SPIRE1: variants seen among roughly 807,000 people sequenced by gnomAD.
SPIRE1 encodes protein spire homolog 1.
Under a neutral mutation model 94.1 loss-of-function variants are expected in SPIRE1, and 40 were observed. That is an observed-to-expected ratio of 0.43 (90% CI 0.33 to 0.55). The LOEUF is 0.55. Among genes scored for constraint, SPIRE1 ranks in the 20% least tolerant of loss-of-function variants. The pLI, the probability that SPIRE1 is intolerant of heterozygous loss-of-function variation, is 0.06. For missense variants in SPIRE1, 838 were observed against 975.2 expected (o/e 0.86, Z 1.87); for synonymous variants, 376 against 371.7 (o/e 1.01, Z -0.13).
intron 10 of SPIRE1, among the ~76,000 whole-genome samples, chr18:12,474,647 C>T (rs2032489651): frequency 6.6e-6 from 1 of 152,096 alleles, no homozygotes; most frequent in Admixed American, 6.6e-5. Context: ...CATGGTGAAA[C>T]CCTATCTCTA....
At chr18:12,628,993 T>C (rs946007443) in intron 2 of SPIRE1, among the ~76,000 whole-genome samples, 2 of 152,230 alleles carry the variant, frequency 1.3e-5, no homozygotes, top group Non-Finnish European at 2.9e-5. Flanking sequence ...ATAGTTTCCC[T>C]CACTAAAGCT....
chr18:12,494,463 A>G (rs1460702867), intron 7 of SPIRE1, among the ~76,000 whole-genome samples: 3 of 152,002 alleles, frequency 2.0e-5, no homozygotes, highest in African/African-American at 4.8e-5. Context: ...TGGGAGACAC[A>G]GTGAGACTGT....
intron 10 of SPIRE1, among the ~76,000 whole-genome samples, chr18:12,475,324 A>G (rs1276645363): frequency 6.6e-6 from 1 of 152,226 alleles, no homozygotes; most frequent in Non-Finnish European, 1.5e-5. Context: ...TGTAGTGTCC[A>G]GTCACATTCT....
rs1008797614 is a variant in SPIRE1 at position 12,506,583 on chromosome 18, A to T, written c.866T>A (p.Val289Asp). ...CAAAGGGTTGTACTGCCGCTCTTGG[A>T]CCTTCTTAAGTTTTACCCCATTCCT... Reference protein sequence around the residue: ...DLRNGVKLKKVQERQYNPLPI... With the variant: ...DLRNGVKLKKDQERQYNPLPI... Residue 289 changes from valine (V) to aspartate (D), a missense_variant, in exon 6 of 17, where the codon GTC (valine) becomes GAC (aspartate). By Grantham distance (152) the Val-to-Asp change is radical. This residue lies in a region of SPIRE1 where 645 missense variants were observed against 804.7 expected (regional missense o/e 0.80). Transcript: ENST00000409402. The T allele has an allele frequency of 2.5e-6, 4 of 1,614,052 alleles. No individual in the cohort carries two copies. The highest frequency in any genetic ancestry group is 3.4e-6 in the Non-Finnish European group (4 of 1,179,972).
chr18:12,626,597 A>C (rs2037632695), intron 2 of SPIRE1, among the ~76,000 whole-genome samples: 1 of 152,188 alleles, frequency 6.6e-6, no homozygotes, highest in Non-Finnish European at 1.5e-5. Context: ...GCATCTCATT[A>C]TTCCAAATAA....
Position 12,466,079 on chromosome 18 carries a change from G to A in SPIRE1, c.1405-1121C>T, listed in dbSNP as rs190417240. ...AGCCTGGGTGACAGAGTGATACTCC[G>A]TCTCAGAAAAAAAAAAGAAAAAGAA... is the stretch of plus-strand genomic sequence containing the variant. On this transcript the variant is annotated intron_variant, in intron 10 of 16. Transcript: ENST00000409402. 3.9e-4 allele frequency among the ~76,000 whole-genome samples: 59 copies of A among 149,564 alleles called. 1 individual carries two copies. The highest frequency in any genetic ancestry group is 1.8e-4 in the Non-Finnish European group (12 of 67,542).
At chr18:12,659,401 C>T (rs188352586), upstream of SPIRE1, among the ~76,000 whole-genome samples, 25 of 152,300 alleles carry the variant, frequency 1.6e-4, no homozygotes, top group Admixed American at 4.6e-4. Flanking sequence ...TGCGCAGTGG[C>T]TTAGGCCTGT....
chr18:12,512,818 C>A (rs1460097129), intron 4 of SPIRE1, among the ~76,000 whole-genome samples: 5 of 145,856 alleles, frequency 3.4e-5, no homozygotes, highest in Non-Finnish European at 7.5e-5. Flanking sequence ...CTTTTCATCT[C>A]TACTACAAAT....
intron 1 of SPIRE1, among the ~76,000 whole-genome samples, chr18:12,644,589 T>C (rs1002919188): frequency 6.6e-6 from 1 of 152,130 alleles, no homozygotes; most frequent in African/African-American, 2.4e-5. Flanking sequence ...ACTAATTACC[T>C]TTCCCTGATA....
chr18:12,496,863 C>T (rs1007515685), intron 6 of SPIRE1, among the ~76,000 whole-genome samples: 2 of 150,928 alleles, frequency 1.3e-5, no homozygotes, highest in Admixed American at 1.3e-4. Flanking sequence ...AGCAAGACTC[C>T]GTCTCAAAAA....
intron 2 of SPIRE1, 127 bp downstream of exon 2, chr18:12,634,935 C>CAA (rs35302137): frequency 7.7e-4 from 334 of 432,014 alleles, no homozygotes; most frequent in South Asian, 1.2e-3. Flanking sequence ...AAGTCCATCT[C>CAA]AAAAAAAAAA....
chr18:12,533,034 AG>A (rs1331678543), intron 4 of SPIRE1, among the ~76,000 whole-genome samples: 1 of 152,222 alleles, frequency 6.6e-6, no homozygotes, highest in Admixed American at 6.5e-5. Context: ...CACTACCCTT[AG>A]GGGAACAAGT....
At chr18:12,595,141 T>C (rs567974661) in intron 2 of SPIRE1, among the ~76,000 whole-genome samples, 1 of 151,966 alleles carries the variant, frequency 6.6e-6, no homozygotes, top group African/African-American at 2.4e-5. Context: ...AAAAATTCGC[T>C]GGGCATGGTG....
chr18:12,591,273 G>A (rs2144587895), intron 2 of SPIRE1, among the ~76,000 whole-genome samples: 1 of 152,332 alleles, frequency 6.6e-6, no homozygotes, highest in East Asian at 1.9e-4. Context: ...CAAAGGCCCT[G>A]AGAAGGCAGT....
chr18:12,584,858 C>T (rs1327501310), intron 2 of SPIRE1, among the ~76,000 whole-genome samples: 1 of 152,150 alleles, frequency 6.6e-6, no homozygotes, highest in Non-Finnish European at 1.5e-5. Flanking sequence ...CAGCTCACTG[C>T]AACCTCCGCC....
rs113161526 is a variant in SPIRE1 at position 12,655,879 on chromosome 18, G to A, written c.337+1651C>T. On this transcript the variant is annotated intron_variant, in intron 1 of 16. Transcript: ENST00000409402. ...CACAACCATTTTTCCTCTGGAAATA[G>A]CTAAATCCCAAGGCACGATATTGCT... Among the ~76,000 whole-genome samples, 391 of 152,218 alleles carry A rather than the reference G, an allele frequency of 2.6e-3. 1 individual carries two copies. Among genetic ancestry groups the A allele is most frequent in the African/African-American group, 9.0e-3 (375 of 41,528 alleles).
intron 2 of SPIRE1, among the ~76,000 whole-genome samples, chr18:12,551,376 T>G (rs2035343497): frequency 6.6e-6 from 1 of 152,200 alleles, no homozygotes; most frequent in South Asian, 2.1e-4. Context: ...AGTAGAAATC[T>G]TTTCAAAAAC....
At chr18:12,473,244 C>T (rs919890955) in intron 10 of SPIRE1, among the ~76,000 whole-genome samples, 8 of 151,952 alleles carry the variant, frequency 5.3e-5, no homozygotes, top group African/African-American at 1.9e-4. Context: ...CTTTAAGGCA[C>T]TTAGCAGTAT....
At chr18:12,526,462 G>A (rs1165441047) in intron 4 of SPIRE1, among the ~76,000 whole-genome samples, 1 of 152,092 alleles carries the variant, frequency 6.6e-6, no homozygotes, top group Non-Finnish European at 1.5e-5. Context: ...TGGATGACAT[G>A]CTCCTACACT....
Sources: allele counts gnomAD v4.1 joint callset (sites outside exome capture counted in the v4.1 genomes callset), GRCh38; gene constraint gnomAD v4.1.1; regional missense constraint gnomAD v4.1.1; transcripts MANE v1.5; gene names NCBI Gene and HGNC (gene_info 2026-07-23, HGNC 2026-07-21).